The following TPTE2 variants were observed in gnomAD, a reference collection of about 807,000 sequenced individuals.
The protein encoded by TPTE2 is phosphatidylinositol 3,4,5-trisphosphate 3-phosphatase TPTE2.
Under a neutral mutation model 78.6 loss-of-function variants are expected in TPTE2, and 53 were observed. That is an observed-to-expected ratio of 0.67 (90% confidence interval 0.54 to 0.85). TPTE2 has a LOEUF of 0.85. Among genes scored for constraint, TPTE2 ranks in the 40% least tolerant of loss-of-function variants. TPTE2 has a pLI of 0.00. For missense variants in TPTE2, 461 were observed against 623.0 expected (o/e 0.74, Z 2.77); for synonymous variants, 175 against 206.2 (o/e 0.85, Z 1.30).
chr13:19,427,069 C>CT (rs1876166068), intron 17 of TPTE2, among the ~76,000 whole-genome samples: 2 of 72,992 alleles, frequency 2.7e-5, no homozygotes, highest in Non-Finnish European at 5.7e-5. Flanking sequence ...CTTTTTTTTT[C>CT]TTTTCTTTTC....
At chr13:19,553,070 A>C in the TPTE2 span, among the ~76,000 whole-genome samples, 1 of 150,698 alleles carries the variant, frequency 6.6e-6, no homozygotes, top group Non-Finnish European at 1.5e-5. Context: ...TTAGTCTATC[A>C]AAATTAGTCA....
At chr13:19,550,171 TAGG>T in the TPTE2 span, among the ~76,000 whole-genome samples, 2 of 148,606 alleles carry the variant, frequency 1.3e-5, no homozygotes, top group African/African-American at 4.9e-5. Context: ...AAAAAAAAAA[TAGG>T]AGGAAAACAA....
chr13:19,464,586 AT>A, intron 9 of TPTE2, 66 bp from the exon 13 acceptor site: 1 of 1,538,936 alleles, frequency 6.5e-7, no homozygotes, highest in Admixed American at 1.9e-5. Context: ...AAAAAAATTA[AT>A]TTATACATGA....
chr13:19,528,846 G>A (rs1870687096), intron 1 of TPTE2, among the ~76,000 whole-genome samples: 1 of 152,172 alleles, frequency 6.6e-6, no homozygotes, highest in Admixed American at 6.5e-5. Flanking sequence ...TTGGCTGGGT[G>A]TGGTGGCTCA....
upstream of TPTE2, among the ~76,000 whole-genome samples, chr13:19,537,601 T>C (rs1346631467): frequency 6.6e-6 from 1 of 151,426 alleles, no homozygotes; most frequent in Non-Finnish European, 1.5e-5. Flanking sequence ...AAGTGTTTTT[T>C]TGTTTTTTGT....
At chr13:19,492,006 G>A (rs548557285) in intron 3 of TPTE2, among the ~76,000 whole-genome samples, 1 of 152,236 alleles carries the variant, frequency 6.6e-6, no homozygotes, top group East Asian at 1.9e-4. Flanking sequence ...ATCAGCCACT[G>A]ATTAAACACA....
the TPTE2 span, among the ~76,000 whole-genome samples, chr13:19,553,602 G>A: frequency 1.3e-5 from 2 of 152,152 alleles, no homozygotes; most frequent in African/African-American, 2.4e-5. Context: ...TCATACAATG[G>A]TATACTACTC....
intron 10 of TPTE2, among the ~76,000 whole-genome samples, chr13:19,454,032 A>G (rs897446735): frequency 1.3e-5 from 2 of 152,152 alleles, no homozygotes; most frequent in Non-Finnish European, 2.9e-5. Flanking sequence ...TGGAGGCAAA[A>G]GTATACCTTC....
chr13:19,437,340 A>G (rs1481671510), intron 14 of TPTE2, among the ~76,000 whole-genome samples: 8 of 152,220 alleles, frequency 5.3e-5, no homozygotes, highest in Non-Finnish European at 1.2e-4. Context: ...GAGCTGCTGG[A>G]AATGGTAGCA....
chr13:19,466,882 A>C (rs1879299503), intron 7 of TPTE2, among the ~76,000 whole-genome samples: 3 of 152,194 alleles, frequency 2.0e-5, no homozygotes, highest in Admixed American at 6.5e-5. Flanking sequence ...ATTATACTTG[A>C]TCTTAGCCAA....
the TPTE2 span, chr13:19,560,486 CCATT>C: frequency 6.3e-7 from 1 of 1,594,378 alleles, no homozygotes; most frequent in Middle Eastern, 2.2e-4. Flanking sequence ...ACCAGCACCT[CCATT>C]CATACTCTCT....
chr13:19,464,670 T>C (rs1593373394), intron 9 of TPTE2, 150 bp from the exon 13 acceptor site: 7 of 785,426 alleles, frequency 8.9e-6, no homozygotes, highest in Non-Finnish European at 1.4e-5. Flanking sequence ...CTCAGGATAA[T>C]CAAATAACAT....
At chr13:19,504,226 G>A (rs934733101), upstream of TPTE2, among the ~76,000 whole-genome samples, 9 of 152,226 alleles carry the variant, frequency 5.9e-5, no homozygotes, top group African/African-American at 2.2e-4. Context: ...CTTTACAATT[G>A]AAGGAAGCAC....
chr13:19,559,304 A>G, the TPTE2 span, among the ~76,000 whole-genome samples: 5 of 152,230 alleles, frequency 3.3e-5, no homozygotes, highest in Non-Finnish European at 7.3e-5. Flanking sequence ...TTCTCTTTGC[A>G]GCAAATATAC....
intron 19 of TPTE2, 29 bp downstream of exon 22, chr13:19,424,918 G>T (rs1210828357): frequency 7.6e-7 from 1 of 1,308,052 alleles, no homozygotes; most frequent in Non-Finnish European, 1.1e-6. Flanking sequence ...AGATTAGGCT[G>T]TTTCTATGGG....
At chr13:19,527,048 G>A (rs983471954) in intron 1 of TPTE2, among the ~76,000 whole-genome samples, 2 of 152,166 alleles carry the variant, frequency 1.3e-5, no homozygotes, top group African/African-American at 2.4e-5. Context: ...GCTCATGCCT[G>A]TAATCCCAGC....
rs538394231 is a variant in TPTE2 at position 19,438,489 on chromosome 13, T to C, written c.974-336A>G. ...GTAAAAAAGAAAAATTCCCACCTCATTTAGTACATTAATATAACTGATTCC... is the reference window on the plus strand; with the variant it reads ...GTAAAAAAGAAAAATTCCCACCTCACTTAGTACATTAATATAACTGATTCC... On this transcript the variant is annotated intron_variant, in intron 13 of 19. Transcript: ENST00000400230. 189 of 954,908 alleles carry C rather than the reference T, an allele frequency of 2.0e-4. No homozygotes were observed. The African/African-American group carries it at 3.2e-3, about 16-fold the overall frequency. 59.2% of individuals were successfully genotyped at this position (954,908 alleles called of 1,614,324 possible).
At chr13:19,440,590 TGAAACTCC>T (rs947010367) in intron 13 of TPTE2, among the ~76,000 whole-genome samples, 1 of 151,668 alleles carries the variant, frequency 6.6e-6, no homozygotes, top group African/African-American at 2.4e-5. Flanking sequence ...GCCAACATAG[TGAAACTCC>T]GTCTTTACTA....
chr13:19,483,719 T>C (rs1880492079), intron 3 of TPTE2, among the ~76,000 whole-genome samples: 1 of 152,198 alleles, frequency 6.6e-6, no homozygotes, highest in African/African-American at 2.4e-5. Flanking sequence ...GGTAGAATTG[T>C]TCAGTGGTTT....
Sources: gnomAD v4.1 joint callset for allele counts (sites outside exome capture counted in the v4.1 genomes callset) on GRCh38, gnomAD v4.1.1 for gene constraint, MANE v1.5 for transcripts, NCBI Gene and HGNC (gene_info 2026-07-23, HGNC 2026-07-21) for gene names.